Variants in RGMA observed in about 807,000 individuals in gnomAD.
The protein encoded by RGMA is repulsive guidance molecule A.
Under a neutral mutation model 23.2 loss-of-function variants are expected in RGMA, and 10 were observed. The ratio of observed to expected loss-of-function variants is 0.43; its 90% CI spans 0.27 to 0.73. RGMA has a LOEUF of 0.73. Among genes scored for constraint, RGMA ranks in the 30% least tolerant of loss-of-function variants. The pLI, the probability that RGMA is intolerant of heterozygous loss-of-function variation, is 0.20. For synonymous variants in RGMA, 308 were observed against 279.3 expected, an observed-to-expected ratio of 1.10 and a Z score of -1.03; for missense variants, 547 against 630.5, an observed-to-expected ratio of 0.87 and a Z score of 1.42.
At chr15:93,059,961 G>A (rs2055075933) in intron 2 of RGMA, among the ~76,000 whole-genome samples, 1 of 152,182 alleles carries the variant, frequency 6.6e-6, no homozygotes, top group East Asian at 1.9e-4. Context: ...TCCTGCAAGC[G>A]GAAGAGGAAA....
intron 3 of RGMA, among the ~76,000 whole-genome samples, chr15:93,049,131 G>A (rs1335535052): frequency 6.6e-6 from 1 of 152,222 alleles, no homozygotes; most frequent in Non-Finnish European, 1.5e-5. Flanking sequence ...GCGGGCTGCC[G>A]CTCCTGTCTC....
At chr15:93,080,252 A>G (rs576726856) in intron 1 of RGMA, among the ~76,000 whole-genome samples, 13 of 152,218 alleles carry the variant, frequency 8.5e-5, no homozygotes, top group Middle Eastern at 3.4e-3. Context: ...AGGCTGGAGT[A>G]GCATGGCACA....
At chr15:93,081,384 T>C (rs1306539725) in intron 1 of RGMA, among the ~76,000 whole-genome samples, 1 of 152,206 alleles carries the variant, frequency 6.6e-6, no homozygotes, top group East Asian at 1.9e-4. Context: ...AGAGTGACAT[T>C]TCTTATGTTT....
rs1019952111 is a variant in RGMA at position 93,082,283 on chromosome 15, G to T, written c.14+6636C>A. ...TCTGCAGAGTTCTGCAAGGACTCAC[G>T]GATAACCTTGACTTCTAGGTGGGTT... On this transcript the variant is annotated intron_variant, in intron 1 of 3. Transcript: ENST00000329082. Among the ~76,000 whole-genome samples the T allele has an allele frequency of 2.6e-5, 4 of 152,192 alleles. No individual in the cohort carries two copies. The East Asian group carries it at 7.7e-4, about 29-fold the overall frequency.
chr15:93,045,429 C>T lies in RGMA; in HGVS notation c.922G>A (p.Asp308Asn). Residue 308 changes from aspartate (D) to asparagine (N), a missense_variant, in exon 4 of 4, where the codon GAC becomes AAC. Around this residue, in one of 3 missense-constraint regions of RGMA, gnomAD observed 205 missense variants for 204.1 expected, o/e 1.00. Coordinates refer to ENST00000329082, the MANE Select transcript of RGMA (RefSeq NM_020211.3). The surrounding 1 kb of genome is among the most constrained non-coding windows in gnomAD (Gnocchi z 6.9). ...AGGCAGAGGTAGAGACCCTGGCTGT[C>T]CCAGTCCTCCACAGCATTGACCACT... ...EEVVNAVEDW[D>N]SQGLYLCLRG... 6.2e-7 allele frequency: 1 copy of T among 1,613,130 alleles called. No individual in the cohort carries two copies. The highest frequency in any genetic ancestry group is 8.5e-7 in the Non-Finnish European group (1 of 1,179,780).
In RGMA at chr15:93,038,537, G is replaced by A. The variant is rs1253242297; in HGVS notation, c.*6461C>T. On this transcript the variant is annotated 3_prime_UTR_variant, in exon 4 of 4. Coordinates refer to ENST00000329082, the MANE Select transcript of RGMA (RefSeq NM_020211.3). ...GCGTGGCATGCAGGAGCTGCCCCAT[G>A]GACATTGCCTTAATGAACGAAACTG... 1 of 146,626 alleles carries A rather than the reference G, an allele frequency of 6.8e-6. No individual in the cohort carries two copies. The highest frequency in any genetic ancestry group is 1.9e-4 in the East Asian group (1 of 5,142). The allele number at this position is 146,626 out of a possible 1,614,324, so 9.1% of individuals were successfully genotyped here. A position where few individuals can be genotyped will look rare whatever the true frequency, so the allele number is the denominator to read the frequency against.
chr15:93,054,733 A>G (rs961922147), intron 2 of RGMA, among the ~76,000 whole-genome samples: 8 of 152,184 alleles, frequency 5.3e-5, no homozygotes, highest in African/African-American at 1.7e-4. Flanking sequence ...GCTGTGGTAG[A>G]TACGTGGGGG....
intron 1 of RGMA, among the ~76,000 whole-genome samples, chr15:93,085,541 C>G (rs988760422): frequency 6.6e-6 from 1 of 152,192 alleles, no homozygotes; most frequent in Non-Finnish European, 1.5e-5. Context: ...TGTAGTCACT[C>G]TCTGCATAAA....
At chr15:93,077,664 GGTGA>G (rs1895494263) in intron 1 of RGMA, among the ~76,000 whole-genome samples, 1 of 152,202 alleles carries the variant, frequency 6.6e-6, no homozygotes, top group Admixed American at 6.5e-5. Flanking sequence ...CTTGTGCGAG[GGTGA>G]GTGTTTATGA....
intron 2 of RGMA, among the ~76,000 whole-genome samples, chr15:93,070,889 A>G (rs1895299896): frequency 6.6e-6 from 1 of 152,244 alleles, no homozygotes; most frequent in Non-Finnish European, 1.5e-5. Context: ...AGTGTTCCTC[A>G]GCCTATGGCG....
At chr15:93,065,927 G>T in intron 2 of RGMA, 2 of 749,846 alleles carry the variant, frequency 2.7e-6, no homozygotes, top group Non-Finnish European at 2.3e-6. Context: ...CGAGGGACTC[G>T]CACAAACCAC....
At chr15:93,083,258 T>G (rs58325501) in intron 1 of RGMA, among the ~76,000 whole-genome samples, 69 of 152,360 alleles carry the variant, frequency 4.5e-4, no homozygotes, top group African/African-American at 1.6e-3. Context: ...TAGCTTTTTT[T>G]GTCATATGAT....
In RGMA at chr15:93,045,685, G is replaced by T. The variant is rs746532810; in HGVS notation, c.666C>A (p.Asn222Lys). The part of the protein sequence containing the change: ...ATSKLTIIFK[N>K]FQECVDQKVY... Reference sequence around the variant, plus strand: ...CCTTCTGGTCCACACACTCCTGGAAGTTCTTGAAGATGATGGTGAGCTGCC... The same window carrying T: ...CCTTCTGGTCCACACACTCCTGGAATTTCTTGAAGATGATGGTGAGCTGCC... Residue 222 changes from asparagine to lysine, a missense_variant, in exon 4 of 4, where the codon AAC (asparagine) becomes AAA (lysine). Around this residue, in one of 3 missense-constraint regions of RGMA, gnomAD observed 128 missense variants for 191.7 expected, o/e 0.67. Coordinates refer to ENST00000329082, the MANE Select transcript of RGMA (RefSeq NM_020211.3). The surrounding 1 kb of genome is among the most constrained non-coding windows in gnomAD (Gnocchi z 6.9). 5.6e-6 allele frequency: 9 copies of T among 1,604,394 alleles called. No homozygotes were observed. The highest frequency in any genetic ancestry group is 1.7e-5 in the Admixed American group (1 of 60,008).
chr15:93,083,104 G>A (rs1268201462), intron 1 of RGMA, among the ~76,000 whole-genome samples: 1 of 152,270 alleles, frequency 6.6e-6, no homozygotes, highest in African/African-American at 2.4e-5. Context: ...CAGGCCTGAA[G>A]TCAGGAGACC....
chr15:93,076,636 A>G (rs1895477203), intron 1 of RGMA, among the ~76,000 whole-genome samples: 1 of 152,198 alleles, frequency 6.6e-6, no homozygotes, highest in Non-Finnish European at 1.5e-5. Flanking sequence ...ATTTTGACGT[A>G]TTTTTACATT....
chr15:93,073,130 T>A, intron 1 of RGMA, 99 bp from the exon 2 acceptor site: 1 of 1,287,522 alleles, frequency 7.8e-7, no homozygotes, highest in Non-Finnish European at 9.9e-7. Context: ...GGAGGCTCCG[T>A]CCACCTCGGC....
At chr15:93,083,556 T>G (rs551167054) in intron 1 of RGMA, among the ~76,000 whole-genome samples, 2 of 152,282 alleles carry the variant, frequency 1.3e-5, no homozygotes, top group Admixed American at 6.5e-5. Flanking sequence ...CTCGAACTCC[T>G]GAGATGAAGC....
chr15:93,050,715 C>G (rs983441507), intron 3 of RGMA, among the ~76,000 whole-genome samples: 1 of 152,180 alleles, frequency 6.6e-6, no homozygotes, highest in Non-Finnish European at 1.5e-5. Context: ...CTTCCACCCC[C>G]TGGGGTCTGG....
intron 3 of RGMA, among the ~76,000 whole-genome samples, chr15:93,048,812 G>C (rs1567179987): frequency 2.0e-5 from 3 of 151,614 alleles, no homozygotes; most frequent in African/African-American, 7.3e-5. Context: ...GCCAGCCAGG[G>C]TGGTCTGGGC....
Sources: allele counts gnomAD v4.1 joint callset (sites outside exome capture counted in the v4.1 genomes callset), GRCh38; gene constraint gnomAD v4.1.1; regional missense constraint gnomAD v4.1.1; non-coding constraint Gnocchi (gnomAD v3.1); transcripts MANE v1.5; gene names NCBI Gene and HGNC (gene_info 2026-07-23, HGNC 2026-07-21).